Variants in TNIP3 observed in about 807,000 individuals in gnomAD.
TNIP3 encodes TNFAIP3 interacting protein 3, also known as TNFAIP3-interacting protein 3.
In TNIP3, 34 loss-of-function variants were observed where a neutral mutation model predicts 54.1. That is an observed-to-expected ratio of 0.63 (90% CI 0.48 to 0.84). TNIP3 has a LOEUF of 0.84. Among genes scored for constraint, TNIP3 ranks in the 40% least tolerant of loss-of-function variants. The pLI, the probability that TNIP3 is intolerant of heterozygous loss-of-function variation, is 0.00. For synonymous variants in TNIP3, 134 were observed against 136.8 expected (o/e 0.98, Z 0.14); for missense variants, 366 against 387.6 (o/e 0.94, Z 0.47).
intron 2 of TNIP3, among the ~76,000 whole-genome samples, chr4:121,160,275 T>C (rs536632173): frequency 6.6e-6 from 1 of 152,160 alleles, no homozygotes; most frequent in South Asian, 2.1e-4. Context: ...GGATAGGAGT[T>C]CTAGACCAGG....
intron 2 of TNIP3, among the ~76,000 whole-genome samples, chr4:121,184,395 C>T (rs1279619590): frequency 6.6e-6 from 1 of 152,194 alleles, no homozygotes; most frequent in East Asian, 1.9e-4. Context: ...ATTGATATGA[C>T]TTGAACTTGC....
At chr4:121,222,455 C>A (rs757005327) in intron 1 of TNIP3, among the ~76,000 whole-genome samples, 4 of 152,052 alleles carry the variant, frequency 2.6e-5, no homozygotes, top group African/African-American at 9.7e-5. Flanking sequence ...TGTCTTTGGG[C>A]ATATTATTTA....
intron 5 of TNIP3, among the ~76,000 whole-genome samples, chr4:121,151,983 G>A (rs1473926819): frequency 6.6e-6 from 1 of 152,080 alleles, no homozygotes; most frequent in Non-Finnish European, 1.5e-5. Flanking sequence ...TTTTCACTTT[G>A]GTTAAACATC....
At chr4:121,194,700 T>C (rs1471489779) in intron 2 of TNIP3, among the ~76,000 whole-genome samples, 7 of 152,198 alleles carry the variant, frequency 4.6e-5, no homozygotes, top group Non-Finnish European at 8.8e-5. Flanking sequence ...CCCTAAACCT[T>C]GAGTGTCTTC....
chr4:121,138,802 T>C (rs1728940643), intron 9 of TNIP3, 118 bp from the exon 10 acceptor site: 1 of 901,028 alleles, frequency 1.1e-6, no homozygotes, highest in African/African-American at 1.6e-5. Flanking sequence ...GTAATTTCTA[T>C]CCAAACCTAT....
At chr4:121,216,852 T>A (rs1726816275), upstream of TNIP3, among the ~76,000 whole-genome samples, 1 of 152,190 alleles carries the variant, frequency 6.6e-6, no homozygotes, top group Admixed American at 6.5e-5. Flanking sequence ...GTTTGTAGTT[T>A]AATTAACCCC....
In TNIP3 at chr4:121,212,263, G is replaced by A. The variant is rs186206484; in HGVS notation, c.68+4152C>T. Among the ~76,000 whole-genome samples, 32 of 152,234 alleles carry A rather than the reference G, an allele frequency of 2.1e-4. No homozygotes were observed. The East Asian group carries it at 6.2e-3, about 29-fold the overall frequency. ...CATGGGCGTTGTTTGCATGGAAGAGGCTTTTCTGAAATGTGCTTTACAGAG... is the reference window on the plus strand; with the variant it reads ...CATGGGCGTTGTTTGCATGGAAGAGACTTTTCTGAAATGTGCTTTACAGAG... On this transcript the variant is annotated intron_variant, in intron 2 of 12. Transcript: ENST00000507879.
rs181209071 is a variant in TNIP3, at chr4:121,201,954, A to C, written c.68+14461T>G. On this transcript the variant is annotated intron_variant, in intron 2 of 12. Coordinates refer to the TNIP3 transcript ENST00000507879. Reference sequence around the variant, plus strand: ...ATAGCCCATGCTCGTGGATGGGTAGAATCAATATTGTGAAAATGACCATAC... The same window carrying C: ...ATAGCCCATGCTCGTGGATGGGTAGCATCAATATTGTGAAAATGACCATAC... 1.4e-3 allele frequency among the ~76,000 whole-genome samples: 214 copies of C among 152,326 alleles called. 1 individual carries two copies. The highest frequency in any genetic ancestry group is 3.4e-3 in the Middle Eastern group (1 of 294).
upstream of TNIP3, among the ~76,000 whole-genome samples, chr4:121,219,180 A>G (rs1323076889): frequency 2.0e-5 from 3 of 151,430 alleles, no homozygotes; most frequent in Non-Finnish European, 4.4e-5. Context: ...AGCCTGGGCA[A>G]CAAGAATGAA....
In TNIP3 at chr4:121,205,077, T is replaced by C. The variant is rs1407741398; in HGVS notation, c.68+11338A>G. On this transcript the variant is annotated intron_variant, in intron 2 of 12. Coordinates refer to the TNIP3 transcript ENST00000507879. ...GTAGTTCTTTGTCTAGTTAGCATTT[T>C]AACAGGTAATAGGTGTCATAGAAGA... Among the ~76,000 whole-genome samples, 12 of 152,334 alleles carry C rather than the reference T, an allele frequency of 7.9e-5. No homozygotes were observed. The South Asian group carries it at 2.3e-3, about 29-fold the overall frequency.
At chr4:121,193,979 T>G (rs2148834732) in intron 2 of TNIP3, among the ~76,000 whole-genome samples, 1 of 152,238 alleles carries the variant, frequency 6.6e-6, no homozygotes, top group East Asian at 1.9e-4. Context: ...TGACCCAGAT[T>G]GTAAGAGAAT....
intron 2 of TNIP3, among the ~76,000 whole-genome samples, chr4:121,187,144 C>T (rs1725063967): frequency 1.3e-5 from 2 of 152,040 alleles, no homozygotes; most frequent in African/African-American, 4.8e-5. Context: ...TAATTGCATC[C>T]AACAGTGTTG....
chr4:121,202,809 C>G (rs1191923909), intron 2 of TNIP3, among the ~76,000 whole-genome samples: 35 of 151,930 alleles, frequency 2.3e-4, no homozygotes, highest in Non-Finnish European at 2.9e-5. Context: ...TAAAAATGAC[C>G]AGCAAACATG....
In TNIP3 at chr4:121,203,233, A is replaced by AT. The variant is rs1284846706; in HGVS notation, c.68+13181dup. The stretch of plus-strand genomic sequence containing the variant: ...AAATGTGATATAGATAGATAGATAG[A>AT]TAGATAGATAGATAGATAGATAGAT... On this transcript the variant is annotated intron_variant, in intron 2 of 12. Transcript: ENST00000507879. 3.6e-4 allele frequency among the ~76,000 whole-genome samples: 54 copies of AT among 151,966 alleles called. 1 individual carries two copies. In the East Asian group the frequency reaches 9.9e-3, roughly 28 times the overall value.
At chr4:121,169,223 C>T (rs1408743657), upstream of TNIP3, among the ~76,000 whole-genome samples, 1 of 152,114 alleles carries the variant, frequency 6.6e-6, no homozygotes, top group South Asian at 2.1e-4. Flanking sequence ...TCTTGGTATC[C>T]TTCCGTTAGT....
At chr4:121,137,852 T>A in intron 10 of TNIP3, 2 of 434,686 alleles carry the variant, frequency 4.6e-6, no homozygotes, top group Middle Eastern at 4.5e-4. Flanking sequence ...GTCCCAGGTG[T>A]GTGTCATATG....
chr4:121,219,865 G>A (rs1422357094), upstream of TNIP3, among the ~76,000 whole-genome samples: 1 of 152,122 alleles, frequency 6.6e-6, no homozygotes, highest in African/African-American at 2.4e-5. Context: ...AATAAAATGT[G>A]TTTCTTTCTG....
Position 121,212,829 on chromosome 4 carries a change from G to C in TNIP3, c.68+3586C>G, listed in dbSNP as rs1029414115. On this transcript the variant is annotated intron_variant, in intron 2 of 12. Coordinates refer to the TNIP3 transcript ENST00000507879. ...TTTAATTTAGAGTCAGGTAAGAAGG[G>C]GGTTAAAAATAAAGAGGCCAAAAGA... Among the ~76,000 whole-genome samples the C allele has an allele frequency of 7.2e-5, 11 of 152,186 alleles. No individual in the cohort carries two copies. In the South Asian group the frequency reaches 1.9e-3, roughly 26 times the overall value.
At chr4:121,165,775 A>G (rs1358570389), upstream of TNIP3, among the ~76,000 whole-genome samples, 1 of 152,096 alleles carries the variant, frequency 6.6e-6, no homozygotes, top group Non-Finnish European at 1.5e-5. Flanking sequence ...AAATCCAAAA[A>G]TACAGGTAGG....
Sources: allele counts gnomAD v4.1 joint callset (sites outside exome capture counted in the v4.1 genomes callset), GRCh38; gene constraint gnomAD v4.1.1; transcripts MANE v1.5; gene names NCBI Gene and HGNC (gene_info 2026-07-23, HGNC 2026-07-21).